PARD3B: variants seen among roughly 807,000 people sequenced by gnomAD.
PARD3B encodes partitioning defective 3 homolog B.
A neutral mutation model predicts 130.2 loss-of-function variants in PARD3B; 103 were observed. The ratio of observed to expected loss-of-function variants is 0.79; its 90% confidence interval spans 0.67 to 0.93. The LOEUF (loss-of-function observed/expected upper bound fraction) is 0.93. Among genes scored for constraint, PARD3B ranks in the 40% least tolerant of loss-of-function variants. PARD3B has a pLI of 0.00. For synonymous variants in PARD3B, 583 were observed against 553.2 expected (o/e 1.05, Z -0.76); for missense variants, 1,609 against 1,499.2 (o/e 1.07, Z -1.21).
At chr2:204,946,458 A>AT (rs34604112) in intron 2 of PARD3B, among the ~76,000 whole-genome samples, 53,726 of 151,652 alleles carry the variant, frequency 0.35, 10,574 homozygotes, top group East Asian at 0.73. Context: ...CTTTCTTTCC[A>AT]TTTTTTCTGT....
intron 2 of PARD3B, among the ~76,000 whole-genome samples, chr2:204,781,244 A>G (rs1229329197): frequency 6.6e-6 from 1 of 152,146 alleles, no homozygotes; most frequent in African/African-American, 2.4e-5. Flanking sequence ...CTTTTAGCTC[A>G]ATGCTAGGTT....
intron 1 of PARD3B, among the ~76,000 whole-genome samples, chr2:204,573,387 T>C (rs545660148): frequency 1.3e-5 from 2 of 152,328 alleles, no homozygotes; most frequent in East Asian, 3.9e-4. Flanking sequence ...CCTCATCTGA[T>C]GCCTATAGGC....
chr2:205,563,966 G>A lies in PARD3B; in HGVS notation c.3260+10563G>A, dbSNP rs997880462. Reference sequence around the variant, plus strand: ...GAAGGAGTTAACATTTGTTGAGCCCGTATTGTGCTCCAAGAACTCTGGCAA... The same window carrying A: ...GAAGGAGTTAACATTTGTTGAGCCCATATTGTGCTCCAAGAACTCTGGCAA... On this transcript the variant is annotated intron_variant, in intron 22 of 22. Coordinates refer to ENST00000406610, the MANE Select transcript of PARD3B (RefSeq NM_001302769.2). This position sits in a 1 kb window ranked among gnomAD's most constrained non-coding sequence, Gnocchi z 4.2. Among the ~76,000 whole-genome samples, 1 of 152,176 alleles carries A rather than the reference G, an allele frequency of 6.6e-6. No individual in the cohort carries two copies.
At chr2:205,368,030 C>G (rs1038563385) in intron 18 of PARD3B, among the ~76,000 whole-genome samples, 4 of 152,194 alleles carry the variant, frequency 2.6e-5, no homozygotes, top group African/African-American at 9.6e-5. Context: ...AAATGTTCAA[C>G]ACTCTGGGAT....
chr2:205,533,734 T>C (rs1181170082), intron 21 of PARD3B, among the ~76,000 whole-genome samples: 4 of 152,006 alleles, frequency 2.6e-5, no homozygotes, highest in African/African-American at 9.7e-5. Context: ...TTTTTGTTTG[T>C]TTGTTTGTTT....
intron 1 of PARD3B, among the ~76,000 whole-genome samples, chr2:204,609,779 C>T (rs10932077): frequency 0.67 from 101,289 of 151,820 alleles, 35,742 homozygotes; most frequent in Middle Eastern, 0.78. Context: ...AGACTCTCAT[C>T]TAATCTCTTC....
Position 205,410,961 on chromosome 2 carries a change from A to C in PARD3B, c.2741+9838A>C, listed in dbSNP as rs148328770. 6.2e-3 allele frequency among the ~76,000 whole-genome samples: 940 copies of C among 152,292 alleles called. 6 individuals carry two copies. The highest frequency in any genetic ancestry group is 0.01 in the Non-Finnish European group (685 of 68,024). On this transcript the variant is annotated intron_variant, in intron 19 of 22. Coordinates refer to ENST00000406610, the MANE Select transcript of PARD3B (RefSeq NM_001302769.2). Reference sequence around the variant, plus strand: ...ATACTAACCTAGGCCTGTGATTTACAAACTCCAAACTTTGAATATGCTTTT... The same window carrying C: ...ATACTAACCTAGGCCTGTGATTTACCAACTCCAAACTTTGAATATGCTTTT...
chr2:204,981,953 C>CA, intron 3 of PARD3B, among the ~76,000 whole-genome samples: 1 of 151,366 alleles, frequency 6.6e-6, no homozygotes, highest in East Asian at 1.9e-4. Flanking sequence ...ATTTAAAGTT[C>CA]AAAAAAATCA....
At chr2:204,558,546 C>A (rs1345509180) in intron 1 of PARD3B, among the ~76,000 whole-genome samples, 3 of 152,110 alleles carry the variant, frequency 2.0e-5, no homozygotes, top group African/African-American at 7.2e-5. Flanking sequence ...TAAAAGAGGA[C>A]ACAAACAAGT....
intron 1 of PARD3B, among the ~76,000 whole-genome samples, chr2:204,586,444 C>G (rs1343116561): frequency 6.6e-6 from 1 of 152,138 alleles, no homozygotes; most frequent in East Asian, 1.9e-4. Flanking sequence ...GAGGATGTAG[C>G]TACTTAAACA....
In PARD3B at chr2:205,047,505, A is replaced by G. The variant is rs907255819; in HGVS notation, c.395-76A>G. The G allele has an allele frequency of 4.9e-6, 4 of 813,664 alleles. No individual in the cohort carries two copies. The Admixed American group carries it at 1.2e-4, about 24-fold the overall frequency. 50.4% of individuals were successfully genotyped at this position (813,664 alleles called of 1,614,324 possible). A position where few individuals can be genotyped will look rare whatever the true frequency, so the allele number is the denominator to read the frequency against. On this transcript the variant is annotated intron_variant, in intron 3 of 22. Transcript: ENST00000406610. ...TAAAAGCCTGTTGTAAACCTTTTAA[A>G]TTAAAGTGCATTGTGTCATGCACTC...
chr2:205,162,050 A>C (rs1429147282), intron 11 of PARD3B, among the ~76,000 whole-genome samples: 1 of 152,080 alleles, frequency 6.6e-6, no homozygotes, highest in Non-Finnish European at 1.5e-5. Flanking sequence ...TGTTTTCCTT[A>C]ATTCTCAGTC....
chr2:205,610,617 C>T (rs1238978197), intron 22 of PARD3B, among the ~76,000 whole-genome samples: 3 of 152,074 alleles, frequency 2.0e-5, no homozygotes, highest in Non-Finnish European at 4.4e-5. Context: ...TATTGAGCAC[C>T]TATTGTATTT....
chr2:204,752,612 A>G (rs533882009), intron 2 of PARD3B, among the ~76,000 whole-genome samples: 17 of 152,336 alleles, frequency 1.1e-4, no homozygotes, highest in Admixed American at 6.5e-5. Context: ...TAACTTGTTC[A>G]GTTCAATTCT....
At chr2:204,570,590 A>G (rs1480067997) in intron 1 of PARD3B, among the ~76,000 whole-genome samples, 1 of 152,206 alleles carries the variant, frequency 6.6e-6, no homozygotes, top group African/African-American at 2.4e-5. Context: ...AGGTGAGGGA[A>G]GGAAGTGATA....
At chr2:204,788,146 T>C (rs926944182) in intron 2 of PARD3B, among the ~76,000 whole-genome samples, 7 of 152,246 alleles carry the variant, frequency 4.6e-5, no homozygotes, top group African/African-American at 1.7e-4. Context: ...TTTTACTGGA[T>C]GTACTGGGAC....
chr2:204,865,530 A>G (rs547757515), intron 2 of PARD3B, among the ~76,000 whole-genome samples: 1 of 152,348 alleles, frequency 6.6e-6, no homozygotes, highest in African/African-American at 2.4e-5. Flanking sequence ...GAAGTAACTC[A>G]GGAGTGGAAA....
intron 2 of PARD3B, among the ~76,000 whole-genome samples, chr2:204,796,163 T>A (rs2042368742): frequency 6.6e-6 from 1 of 152,248 alleles, no homozygotes; most frequent in South Asian, 2.1e-4. Context: ...GGTTGTCTTA[T>A]AATCCCAATT....
intron 19 of PARD3B, among the ~76,000 whole-genome samples, chr2:205,430,103 A>T (rs1202036635): frequency 6.6e-6 from 1 of 152,250 alleles, no homozygotes; most frequent in African/African-American, 2.4e-5. Context: ...AGAGACCTGT[A>T]TCCAAATAGG....
Sources: gnomAD v4.1 joint callset for allele counts (sites outside exome capture counted in the v4.1 genomes callset) on GRCh38, gnomAD v4.1.1 for gene constraint, Gnocchi (gnomAD v3.1) non-coding constraint, MANE v1.5 for transcripts, NCBI Gene and HGNC (gene_info 2026-07-23, HGNC 2026-07-21) for gene names.